Variants in TTC28 observed in about 807,000 individuals in gnomAD.
TTC28 encodes the protein tetratricopeptide repeat domain 28, also known as tetratricopeptide repeat protein 28.
A neutral mutation model predicts 198.0 loss-of-function variants in TTC28; 61 were observed. The ratio of observed to expected loss-of-function variants is 0.31; its 90% CI spans 0.25 to 0.38. TTC28 has a LOEUF of 0.38. Ranked by LOEUF, TTC28 falls within the 10% of genes least tolerant of loss-of-function variation. The pLI is 1.00. For synonymous variants in TTC28, 1,171 were observed against 1,297.8 expected, an observed-to-expected ratio of 0.90 and a Z score of 2.10; for missense variants, 2,678 against 3,164.0, an observed-to-expected ratio of 0.85 and a Z score of 3.69.
chr22:28,254,618 A>AGT (rs1930757085), intron 5 of TTC28, among the ~76,000 whole-genome samples: 1 of 152,190 alleles, frequency 6.6e-6, no homozygotes, highest in African/African-American at 2.4e-5. Flanking sequence ...ATGATTCAAC[A>AGT]GTGACTAAAG....
intron 2 of TTC28, among the ~76,000 whole-genome samples, chr22:28,380,681 G>A (rs1363706091): frequency 6.6e-6 from 1 of 152,088 alleles, no homozygotes; most frequent in Non-Finnish European, 1.5e-5. Context: ...AATCTGAAGA[G>A]GCAGTTTTAT....
intron 2 of TTC28, among the ~76,000 whole-genome samples, chr22:28,382,720 T>C (rs1386046635): frequency 1.8e-4 from 27 of 152,162 alleles, no homozygotes; most frequent in Admixed American, 1.8e-3. Context: ...CAAGTAGCTA[T>C]AGTAGTATAA....
rs117341031 is a variant in TTC28 at position 27,984,326 on chromosome 22, G to A, written c.5816-475C>T. On this transcript the variant is annotated intron_variant, in intron 22 of 22. Coordinates refer to ENST00000397906, the MANE Select transcript of TTC28 (RefSeq NM_001145418.2). ...GCCTCTCCCCCATTCTCTCAACTTAGTCCATTCAGGTTTTAGTCCCTATCA... is the reference window on the plus strand; with the variant it reads ...GCCTCTCCCCCATTCTCTCAACTTAATCCATTCAGGTTTTAGTCCCTATCA... 3.1e-3 allele frequency among the ~76,000 whole-genome samples: 478 copies of A among 152,108 alleles called. 7 individuals carry two copies. In the East Asian group the frequency reaches 0.049, roughly 16 times the overall value.
At chr22:28,264,867 T>C (rs1168901804) in intron 5 of TTC28, among the ~76,000 whole-genome samples, 1 of 152,190 alleles carries the variant, frequency 6.6e-6, no homozygotes, top group African/African-American at 2.4e-5. Flanking sequence ...AGGTTGAAGA[T>C]ATATCCCTAG....
At chr22:28,382,018 C>T (rs1362804902) in intron 2 of TTC28, among the ~76,000 whole-genome samples, 1 of 152,014 alleles carries the variant, frequency 6.6e-6, no homozygotes, top group African/African-American at 2.4e-5. Flanking sequence ...ATAGCTAGCC[C>T]AACATTCAGA....
intron 2 of TTC28, among the ~76,000 whole-genome samples, chr22:28,566,734 T>C (rs1277264273): frequency 6.6e-6 from 1 of 152,132 alleles, no homozygotes; most frequent in East Asian, 1.9e-4. Flanking sequence ...AAAAAGTTCT[T>C]GAAAATCAGA....
chr22:28,298,418 C>A (rs986706647), intron 3 of TTC28, among the ~76,000 whole-genome samples: 4 of 152,264 alleles, frequency 2.6e-5, no homozygotes, highest in African/African-American at 7.2e-5. Context: ...GCATCATGAA[C>A]ACAGGTGAAA....
rs569002282 is a variant in TTC28 at position 28,474,959 on chromosome 22, G to A, written c.381+154593C>T. 3.3e-5 allele frequency among the ~76,000 whole-genome samples: 5 copies of A among 151,906 alleles called. No individual in the cohort carries two copies. In the South Asian group the frequency reaches 8.3e-4, roughly 25 times the overall value. The stretch of plus-strand genomic sequence containing the variant: ...AAAGCTAATCATTAATATCCTCAAG[G>A]ATAATAAGAGAATCATGTTTGAATG... On this transcript the variant is annotated intron_variant, in intron 2 of 22. Transcript: ENST00000397906.
At chr22:28,166,749 C>T (rs539306575) in intron 5 of TTC28, among the ~76,000 whole-genome samples, 1 of 152,262 alleles carries the variant, frequency 6.6e-6, no homozygotes, top group Admixed American at 6.5e-5. Context: ...ACCCTAACAT[C>T]ACAATTAGAA....
intron 5 of TTC28, among the ~76,000 whole-genome samples, chr22:28,235,973 G>C (rs777214769): frequency 1.3e-5 from 2 of 152,188 alleles, no homozygotes; most frequent in African/African-American, 4.8e-5. Context: ...CTTTCTAAGA[G>C]TCTTCATTGA....
chr22:28,097,757 A>T (rs1375825748), intron 10 of TTC28, among the ~76,000 whole-genome samples: 7 of 152,236 alleles, frequency 4.6e-5, no homozygotes, highest in Admixed American at 2.0e-4. Flanking sequence ...CAGTTTGGGT[A>T]TCAGAAGCAA....
Position 28,399,617 on chromosome 22 carries a change from T to TC in TTC28, c.382-92975_382-92974insG, listed in dbSNP as rs562077014. On this transcript the variant is annotated intron_variant, in intron 2 of 22. Transcript: ENST00000397906. ...ACTACGCCCAGCCTAGAAACTTGTATTATCAGCCTAAAACATAACTAGAAA... is the reference window on the plus strand; with the variant it reads ...ACTACGCCCAGCCTAGAAACTTGTATCTATCAGCCTAAAACATAACTAGAAA... 3.9e-3 allele frequency among the ~76,000 whole-genome samples: 597 copies of TC among 152,306 alleles called. 5 individuals are homozygous for TC. Among genetic ancestry groups the TC allele is most frequent in the African/African-American group, 0.014 (566 of 41,572 alleles).
intron 12 of TTC28, among the ~76,000 whole-genome samples, chr22:28,063,477 T>TA (rs1262238030): frequency 6.6e-6 from 1 of 152,234 alleles, no homozygotes. Flanking sequence ...CTGTGTCCTT[T>TA]AGGACCTTGT....
At chr22:28,577,246 C>CA (rs1342522560) in intron 2 of TTC28, among the ~76,000 whole-genome samples, 3 of 152,094 alleles carry the variant, frequency 2.0e-5, no homozygotes, top group African/African-American at 7.2e-5. Flanking sequence ...CATTCAGGAA[C>CA]ACAGTATTTA....
chr22:28,112,160 A>G (rs563163945), intron 6 of TTC28, among the ~76,000 whole-genome samples: 576 of 152,284 alleles, frequency 3.8e-3, no homozygotes, highest in Admixed American at 7.9e-3. Context: ...ATCATTTCAA[A>G]GACATAGCTT....
rs533626124 is a variant in TTC28 at position 28,420,344 on chromosome 22, G to T, written c.382-113701C>A. 8.5e-5 allele frequency among the ~76,000 whole-genome samples: 13 copies of T among 152,114 alleles called. No individual in the cohort carries two copies. In the East Asian group the frequency reaches 2.5e-3, roughly 29 times the overall value. On this transcript the variant is annotated intron_variant, in intron 2 of 22. Transcript: ENST00000397906. ...CTTTGAAAAATAGTTTCATTTTTCT[G>T]ACTTTAATACCAATGAAAAATTACT...
chr22:28,154,484 G>A (rs985749050), intron 6 of TTC28, among the ~76,000 whole-genome samples: 5 of 151,802 alleles, frequency 3.3e-5, no homozygotes, highest in African/African-American at 1.2e-4. Flanking sequence ...CTGAGTAGCT[G>A]GGACTACAGG....
chr22:28,313,952 T>C (rs1302210907), intron 2 of TTC28, among the ~76,000 whole-genome samples: 1 of 152,132 alleles, frequency 6.6e-6, no homozygotes, highest in African/African-American at 2.4e-5. Context: ...CGATTGTATA[T>C]TGAGAAAACC....
Position 27,982,765 on chromosome 22 carries a change from T to C in TTC28, c.6902A>G (p.Lys2301Arg). 1.4e-5 allele frequency: 21 copies of C among 1,549,940 alleles called. No individual in the cohort carries two copies. Among genetic ancestry groups the C allele is most frequent in the Non-Finnish European group, 1.8e-5 (21 of 1,145,910 alleles). Residue 2301 changes from lysine (K) to arginine (R), a missense_variant, in exon 23 of 23, where the codon AAA becomes AGA. Transcript: ENST00000397906. The surrounding 1 kb of genome is among the most constrained non-coding windows in gnomAD (Gnocchi z 5.2). ...GCTTGGGGACATGTTCCTTGGTGAT[T>C]TGGAAATGTGAGCGCTGTAAGGAGA... The part of the protein sequence containing the change: ...PSSPYSAHIS[K>R]SPRNMSPSSG...
Sources: allele counts gnomAD v4.1 joint callset (sites outside exome capture counted in the v4.1 genomes callset), GRCh38; gene constraint gnomAD v4.1.1; non-coding constraint Gnocchi (gnomAD v3.1); transcripts MANE v1.5; gene names NCBI Gene and HGNC (gene_info 2026-07-23, HGNC 2026-07-21).